Variants in GREB1 observed in about 807,000 individuals in gnomAD.
GREB1 encodes protein GREB1.
A neutral mutation model predicts 200.7 loss-of-function variants in GREB1; 106 were observed. That is an observed-to-expected ratio of 0.53 (90% CI 0.45 to 0.62). The LOEUF (loss-of-function observed/expected upper bound fraction) is 0.62. Ranked by LOEUF, GREB1 falls within the 20% of genes least tolerant of loss-of-function variation. The pLI is 0.00. For missense variants in GREB1, 2,243 were observed against 2,556.8 expected, an observed-to-expected ratio of 0.88 and a Z score of 2.65; for synonymous variants, 1,132 against 1,092.4, an observed-to-expected ratio of 1.04 and a Z score of -0.72.
chr2:11,534,983 C>T (rs1213380034), intron 1 of GREB1, among the ~76,000 whole-genome samples: 1 of 152,150 alleles, frequency 6.6e-6, no homozygotes, highest in African/African-American at 2.4e-5. Context: ...CCTCTGAATG[C>T]CAGACTGTGC....
chr2:11,544,119 T>C (rs545035970), intron 1 of GREB1, among the ~76,000 whole-genome samples: 5 of 152,156 alleles, frequency 3.3e-5, no homozygotes, highest in Non-Finnish European at 7.4e-5. Flanking sequence ...TGGTAACAGG[T>C]GGAGTGAAGG....
intron 1 of GREB1, among the ~76,000 whole-genome samples, chr2:11,496,612 CAAG>C (rs1220233558): frequency 6.7e-6 from 1 of 149,164 alleles, no homozygotes; most frequent in Non-Finnish European, 1.5e-5. Context: ...AAGCTGCTAG[CAAG>C]AAGAATATTG....
chr2:11,572,668 GCT>G (rs1678435109), intron 4 of GREB1, among the ~76,000 whole-genome samples: 1 of 151,786 alleles, frequency 6.6e-6, no homozygotes, highest in Non-Finnish European at 1.5e-5. Context: ...CCCCCACTGT[GCT>G]CTCTCCTTCC....
At chr2:11,613,023 G>A (rs1047023570) in intron 19 of GREB1, among the ~76,000 whole-genome samples, 1 of 152,092 alleles carries the variant, frequency 6.6e-6, no homozygotes, top group Non-Finnish European at 1.5e-5. Flanking sequence ...CTAGGCTGCC[G>A]CAATGCCTGG....
At position 11,566,562 on chromosome 2, in the gene GREB1, G is replaced by A. The variant is rs1282648069; in HGVS notation, c.360G>A (p.Val120=). The A allele has an allele frequency of 6.2e-7, 1 of 1,614,002 alleles. No individual in the cohort carries two copies. The highest frequency in any genetic ancestry group is 8.5e-7 in the Non-Finnish European group (1 of 1,179,990). The change falls in exon 4 of 33, where the codon GTG becomes GTA. Residue 120 remains valine (V), a synonymous_variant. Transcript: ENST00000381486. ...ATGTCCCTGCGGGCTTTCTCCTCGT[G>A]GGGGTCAAGTCCCCCAGCCTGCCGG... ...PMDVPAGFLL[V]GVKSPSLPDH...
chr2:11,635,532 G>T, intron 30 of GREB1, 127 bp downstream of exon 30: 1 of 1,058,880 alleles, frequency 9.4e-7, no homozygotes, highest in Admixed American at 2.8e-5. Context: ...GGCCCTACTG[G>T]GTGGGGTCAG....
intron 1 of GREB1, among the ~76,000 whole-genome samples, chr2:11,499,095 T>A (rs1322900803): frequency 6.6e-6 from 1 of 152,194 alleles, no homozygotes; most frequent in East Asian, 1.9e-4. Context: ...AGAATTATTA[T>A]TAATTGTGGA....
At chr2:11,566,341 C>T (rs1572727558) in intron 3 of GREB1, 139 bp from the exon 4 acceptor site, 2 of 730,100 alleles carry the variant, frequency 2.7e-6, no homozygotes, top group East Asian at 5.7e-5. Flanking sequence ...TTCTATCTCT[C>T]AGGATTAATT....
chr2:11,517,951 C>T (rs911017317), intron 1 of GREB1, among the ~76,000 whole-genome samples: 3 of 152,188 alleles, frequency 2.0e-5, no homozygotes, highest in South Asian at 2.1e-4. Context: ...TCTTTAACAG[C>T]AGTTTAAAGA....
At chr2:11,616,388 C>G (rs1436544255) in intron 20 of GREB1, among the ~76,000 whole-genome samples, 1 of 152,264 alleles carries the variant, frequency 6.6e-6, no homozygotes, top group Admixed American at 6.5e-5. Flanking sequence ...CCTCCACCAG[C>G]TTGCAGCTGT....
At chr2:11,520,489 C>T (rs13432756) in intron 1 of GREB1, among the ~76,000 whole-genome samples, 25,739 of 152,070 alleles carry the variant, frequency 0.17, 2,737 homozygotes, top group African/African-American at 0.29. Flanking sequence ...CTATCAGCTG[C>T]TGGCCATTCC....
intron 16 of GREB1, 52 bp from the exon 17 acceptor site, chr2:11,602,354 A>G: frequency 6.4e-7 from 1 of 1,569,354 alleles, no homozygotes; most frequent in Non-Finnish European, 8.7e-7. Flanking sequence ...CGAACCTCTG[A>G]CCGTCCCTGC....
chr2:11,525,656 A>C (rs1673848506), intron 1 of GREB1, among the ~76,000 whole-genome samples: 2 of 152,218 alleles, frequency 1.3e-5, no homozygotes, highest in South Asian at 4.1e-4. Flanking sequence ...GGTGATAGGG[A>C]AGCACTAACT....
intron 7 of GREB1, among the ~76,000 whole-genome samples, chr2:11,584,589 G>A (rs1368790612): frequency 6.6e-6 from 1 of 152,162 alleles, no homozygotes; most frequent in Non-Finnish European, 1.5e-5. Context: ...GGTAATTCTG[G>A]CTACCTTATT....
At chr2:11,510,035 G>A (rs11886420) in intron 1 of GREB1, among the ~76,000 whole-genome samples, 151,657 of 152,348 alleles carry the variant, frequency 1, 75,494 homozygotes, top group Middle Eastern at 1. Flanking sequence ...TATGTCTGTT[G>A]GGTTTCTTTT....
At chr2:11,600,762 T>C (rs764718892) in intron 15 of GREB1, 38 bp from the exon 16 acceptor site, 5 of 1,538,218 alleles carry the variant, frequency 3.3e-6, no homozygotes, top group Admixed American at 1.7e-5. Context: ...TAGAAAACAA[T>C]ATAGTAATTC....
intron 1 of GREB1, among the ~76,000 whole-genome samples, chr2:11,525,717 A>G (rs1673850354): frequency 6.6e-6 from 1 of 152,144 alleles, no homozygotes; most frequent in Non-Finnish European, 1.5e-5. Flanking sequence ...ACCCAGAGAC[A>G]GACCAGCCTG....
intron 18 of GREB1, 37 bp from the exon 19 acceptor site, chr2:11,612,458 G>A (rs1683017726): frequency 1.3e-6 from 2 of 1,541,840 alleles, no homozygotes; most frequent in Non-Finnish European, 1.8e-6. Context: ...TGGGAAGGGA[G>A]GCGTCTGTGG....
chr2:11,566,677 C>T (rs1380528659), intron 4 of GREB1, 21 bp downstream of exon 4: 6 of 1,592,246 alleles, frequency 3.8e-6, no homozygotes, highest in Non-Finnish European at 4.3e-6. Context: ...CTTTGTCATC[C>T]TCTGTGGCTC....
Sources: gnomAD v4.1 joint callset for allele counts (sites outside exome capture counted in the v4.1 genomes callset) on GRCh38, gnomAD v4.1.1 for gene constraint, MANE v1.5 for transcripts, NCBI Gene and HGNC (gene_info 2026-07-23, HGNC 2026-07-21) for gene names.